Variants in TENM2 observed in about 807,000 individuals in gnomAD.
The protein encoded by TENM2 is teneurin-2.
In TENM2, 52 loss-of-function variants were observed where a neutral mutation model predicts 245.2. The ratio of observed to expected loss-of-function variants is 0.21; its 90% confidence interval spans 0.17 to 0.27. The LOEUF (loss-of-function observed/expected upper bound fraction) is 0.27, where lower values mean the gene tolerates loss of function less well. TENM2 is among the 10% of genes least tolerant of loss of function. The pLI is 1.00. For missense variants in TENM2, 3,046 were observed against 3,666.8 expected (o/e 0.83, Z 4.37); for synonymous variants, 1,363 against 1,438.9 (o/e 0.95, Z 1.19).
intron 9 of TENM2, among the ~76,000 whole-genome samples, chr5:168,102,401 A>G (rs1430921888): frequency 6.6e-6 from 1 of 152,248 alleles, no homozygotes; most frequent in Non-Finnish European, 1.5e-5. Flanking sequence ...GAACAATGTC[A>G]AAACCAGAAA....
intron 2 of TENM2, among the ~76,000 whole-genome samples, chr5:167,436,372 C>A (rs1405007977): frequency 6.6e-6 from 1 of 152,096 alleles, no homozygotes. Flanking sequence ...CAGGTGTGAA[C>A]CACTGGCCAG....
chr5:167,144,362 A>G, the TENM2 span, among the ~76,000 whole-genome samples: 5 of 152,138 alleles, frequency 3.3e-5, no homozygotes, highest in African/African-American at 1.2e-4. Context: ...CTGTTATATC[A>G]CTTCTAATTA....
At chr5:168,067,693 C>T (rs1010224932) in intron 7 of TENM2, among the ~76,000 whole-genome samples, 1 of 152,108 alleles carries the variant, frequency 6.6e-6, no homozygotes, top group African/African-American at 2.4e-5. Flanking sequence ...TCCTGGGATG[C>T]TGGGGTGCCT....
chr5:167,725,678 T>G (rs1759949293), intron 2 of TENM2, among the ~76,000 whole-genome samples: 1 of 152,336 alleles, frequency 6.6e-6, no homozygotes, highest in African/African-American at 2.4e-5. Context: ...AATATTTGTA[T>G]GGCTCGCCAG....
At chr5:167,234,703 G>A in the TENM2 span, among the ~76,000 whole-genome samples, 1 of 152,176 alleles carries the variant, frequency 6.6e-6, no homozygotes, top group Non-Finnish European at 1.5e-5. Flanking sequence ...AAAACAAATA[G>A]AAATTTGAAG....
chr5:167,101,849 TTATATATATATATATA>T, the TENM2 span, among the ~76,000 whole-genome samples: 19 of 69,456 alleles, frequency 2.7e-4, 2 homozygotes, highest in Admixed American at 3.6e-3. Flanking sequence ...ATATATATAT[TTATATATATATATATA>T]TATATATATA....
chr5:167,217,609 C>A, the TENM2 span, among the ~76,000 whole-genome samples: 2 of 151,598 alleles, frequency 1.3e-5, no homozygotes, highest in Non-Finnish European at 2.9e-5. Flanking sequence ...AGATTCCTAG[C>A]GCTGCAGTGT....
chr5:167,834,646 T>C (rs1434712956), intron 2 of TENM2, among the ~76,000 whole-genome samples: 2 of 150,320 alleles, frequency 1.3e-5, no homozygotes, highest in Admixed American at 6.6e-5. Context: ...ATTTCTTTTT[T>C]TTTTTTTTTT....
At chr5:168,185,505 C>T (rs1760307619) in intron 13 of TENM2, among the ~76,000 whole-genome samples, 1 of 152,130 alleles carries the variant, frequency 6.6e-6, no homozygotes, top group South Asian at 2.1e-4. Context: ...ATGAGGGAAA[C>T]TGAAGCACAG....
the TENM2 span, among the ~76,000 whole-genome samples, chr5:167,247,554 C>T: frequency 6.6e-6 from 1 of 152,058 alleles, no homozygotes; most frequent in Non-Finnish European, 1.5e-5. Context: ...AATAGAAACC[C>T]CAAAGCAATA....
At chr5:168,070,793 AAGAGAGAG>A (rs201553774) in intron 7 of TENM2, among the ~76,000 whole-genome samples, 21 of 89,354 alleles carry the variant, frequency 2.4e-4, no homozygotes, top group Admixed American at 8.7e-4. Context: ...GAAAGAAAGA[AAGAGAGAG>A]AGAGAGAGAG....
intron 4 of TENM2, among the ~76,000 whole-genome samples, chr5:167,966,395 T>G (rs1781389469): frequency 6.6e-6 from 1 of 152,202 alleles, no homozygotes; most frequent in African/African-American, 2.4e-5. Flanking sequence ...AATATCATCC[T>G]TGTTCCTGTT....
intron 7 of TENM2, among the ~76,000 whole-genome samples, chr5:168,088,532 G>A (rs954424506): frequency 6.6e-6 from 1 of 152,110 alleles, no homozygotes; most frequent in African/African-American, 2.4e-5. Context: ...CGCACTGCTC[G>A]TCCGTAATCA....
At chr5:167,407,765 A>G (rs1398005321) in intron 2 of TENM2, among the ~76,000 whole-genome samples, 1 of 152,068 alleles carries the variant, frequency 6.6e-6, no homozygotes, top group Non-Finnish European at 1.5e-5. Flanking sequence ...TGCAGTGAGC[A>G]GAGATCATGC....
chr5:167,809,777 C>T (rs1284924633), intron 2 of TENM2, among the ~76,000 whole-genome samples: 4 of 152,008 alleles, frequency 2.6e-5, no homozygotes, highest in Non-Finnish European at 5.9e-5. Flanking sequence ...TCTGAATCAG[C>T]CCATTGAAAT....
At chr5:167,823,830 A>G (rs780806529) in intron 2 of TENM2, among the ~76,000 whole-genome samples, 1 of 152,130 alleles carries the variant, frequency 6.6e-6, no homozygotes, top group Non-Finnish European at 1.5e-5. Flanking sequence ...ATTCTCCTGT[A>G]TGTTGCATTC....
chr5:168,197,094 C>G (rs933591347), intron 15 of TENM2, among the ~76,000 whole-genome samples: 7 of 152,214 alleles, frequency 4.6e-5, no homozygotes, highest in African/African-American at 1.2e-4. Context: ...AACAATTTTA[C>G]TTCAAGACAT....
intron 2 of TENM2, among the ~76,000 whole-genome samples, chr5:167,501,103 CT>C (rs1769184003): frequency 6.6e-6 from 1 of 152,170 alleles, no homozygotes; most frequent in African/African-American, 2.4e-5. Flanking sequence ...CACACAAATA[CT>C]TTCTTTCTTG....
chr5:167,084,355 A>ATATATATATATATATATATATATATATG, the TENM2 span, among the ~76,000 whole-genome samples: 8 of 109,334 alleles, frequency 7.3e-5, no homozygotes, highest in African/African-American at 2.7e-4. Flanking sequence ...ATATATATAT[A>ATATATATATATATATATATATATATATG]TATATATATA....
Sources: allele counts gnomAD v4.1 joint callset (sites outside exome capture counted in the v4.1 genomes callset), GRCh38; gene constraint gnomAD v4.1.1; transcripts MANE v1.5; gene names NCBI Gene and HGNC (gene_info 2026-07-23, HGNC 2026-07-21).